Variants in TANC1 observed in about 807,000 individuals in gnomAD.
The protein encoded by TANC1 is tetratricopeptide repeat, ankyrin repeat and coiled-coil containing 1.
Under a neutral mutation model 149.7 loss-of-function variants are expected in TANC1, and 77 were observed. The ratio of observed to expected loss-of-function variants is 0.51; its 90% CI spans 0.43 to 0.62. The LOEUF (loss-of-function observed/expected upper bound fraction) is 0.62, where lower values mean the gene tolerates loss of function less well. Ranked by LOEUF, TANC1 falls within the 20% of genes least tolerant of loss-of-function variation. The pLI is 0.00. For synonymous variants in TANC1, 854 were observed against 925.0 expected (o/e 0.92, Z 1.39); for missense variants, 1,985 against 2,321.8 (o/e 0.85, Z 2.98).
At chr2:159,021,619 AAAAG>A (rs113106796) in intron 2 of TANC1, among the ~76,000 whole-genome samples, 91 of 152,164 alleles carry the variant, frequency 6.0e-4, no homozygotes, top group African/African-American at 1.4e-3. Flanking sequence ...ATCTCTTTAA[AAAAG>A]AAAGAAAGAA....
chr2:159,155,465 A>G (rs1169600327), intron 7 of TANC1, among the ~76,000 whole-genome samples: 1 of 152,064 alleles, frequency 6.6e-6, no homozygotes, highest in African/African-American at 2.4e-5. Flanking sequence ...CCTCCTTTGG[A>G]GAAACGGTGC....
At chr2:159,203,209 C>T (rs982692565) in intron 19 of TANC1, among the ~76,000 whole-genome samples, 6 of 101,660 alleles carry the variant, frequency 5.9e-5, no homozygotes, top group African/African-American at 9.0e-5. Context: ...CTTTTCTTTT[C>T]TTTTTTTTTT....
intron 2 of TANC1, among the ~76,000 whole-genome samples, chr2:159,018,411 A>G (rs969833518): frequency 3.9e-5 from 6 of 152,244 alleles, no homozygotes; most frequent in Non-Finnish European, 5.9e-5. Flanking sequence ...GATTATTAAC[A>G]GTATAATTCT....
rs1180402326 is a variant in TANC1 at position 159,176,307 on chromosome 2, G to C, written c.1736-45G>C. 7.5e-6 allele frequency: 9 copies of C among 1,204,648 alleles called. No individual in the cohort carries two copies. In the Middle Eastern group the frequency reaches 8.5e-4, roughly 114 times the overall value. 74.6% of individuals were successfully genotyped at this position (1,204,648 alleles called of 1,614,324 possible). A position where few individuals can be genotyped will look rare whatever the true frequency, so the allele number is the denominator to read the frequency against. ...ATACACTGGGTGTTGCTGTCTTAGA[G>C]AAATGTATAATTTCTTAATTTGAAA... On this transcript the variant is annotated intron_variant, in intron 12 of 26. Transcript: ENST00000263635.
At position 159,082,608 on chromosome 2, in the gene TANC1, A is replaced by G. The variant is rs181908454; in HGVS notation, c.62-15029A>G. Among the ~76,000 whole-genome samples the G allele has an allele frequency of 8.1e-3, 1,232 of 152,252 alleles. 8 individuals are homozygous for G. The highest frequency in any genetic ancestry group is 0.024 in the Middle Eastern group (7 of 294). On this transcript the variant is annotated intron_variant, in intron 3 of 26. Transcript: ENST00000263635. ...CCTTTCCATCTGGAGCAGATGGGGG[A>G]AAAAGCCATGGTAATAGGCATGTCC...
rs527993820 is a variant in TANC1 at position 159,231,402 on chromosome 2, G to A, written c.*390G>A. On this transcript the variant is annotated 3_prime_UTR_variant, in exon 27 of 27. Coordinates refer to ENST00000263635, the MANE Select transcript of TANC1 (RefSeq NM_033394.3). ...CAGGTTTAACTCATGACCAAGTGAT[G>A]TACATCCAAGTGATGTATTCTGGAA... The A allele has an allele frequency of 6.1e-6, 1 of 164,386 alleles. No homozygotes were observed. The highest frequency in any genetic ancestry group is 1.6e-4 in the South Asian group (1 of 6,206). 10.2% of individuals were successfully genotyped at this position (164,386 alleles called of 1,614,324 possible). A position where few individuals can be genotyped will look rare whatever the true frequency, so the allele number is the denominator to read the frequency against.
chr2:159,206,201 C>T (rs540937437), intron 19 of TANC1, among the ~76,000 whole-genome samples: 2 of 152,232 alleles, frequency 1.3e-5, no homozygotes, highest in Admixed American at 1.3e-4. Context: ...ACCCTGTGCC[C>T]TGTAAGGGGA....
At chr2:159,087,615 C>T (rs562178938) in intron 3 of TANC1, among the ~76,000 whole-genome samples, 1 of 151,820 alleles carries the variant, frequency 6.6e-6, no homozygotes, top group South Asian at 2.1e-4. Context: ...TCAAGTGGTC[C>T]TCCTACCTTT....
rs987161182 is a variant in TANC1, at chr2:159,220,846, T to C, written c.3678+979T>C. On this transcript the variant is annotated intron_variant, in intron 22 of 26. Transcript: ENST00000263635. Reference sequence around the variant, plus strand: ...ATCACCCCACCTTGGCTTCTGAAAATGGTAGGATTACAGGCATGAGCCACC... The same window carrying C: ...ATCACCCCACCTTGGCTTCTGAAAACGGTAGGATTACAGGCATGAGCCACC... Among the ~76,000 whole-genome samples, 8 of 152,146 alleles carry C rather than the reference T, an allele frequency of 5.3e-5. No individual in the cohort carries two copies. The East Asian group carries it at 1.6e-3, about 29-fold the overall frequency.
intron 19 of TANC1, among the ~76,000 whole-genome samples, chr2:159,213,983 G>A (rs914179621): frequency 2.6e-5 from 4 of 151,920 alleles, no homozygotes; most frequent in African/African-American, 7.3e-5. Context: ...AAAATCAGCC[G>A]GGCTTGGGGG....
intron 2 of TANC1, among the ~76,000 whole-genome samples, chr2:159,050,767 T>C (rs1279651567): frequency 1.1e-4 from 16 of 152,236 alleles, no homozygotes. Context: ...GAAGTAAAGG[T>C]CTTCCATTTG....
At chr2:159,194,603 C>A in intron 17 of TANC1, 110 bp downstream of exon 17, 2 of 982,112 alleles carry the variant, frequency 2.0e-6, no homozygotes, top group African/African-American at 1.6e-5. Context: ...CCACAGCATA[C>A]ACAGAAAGGG....
intron 2 of TANC1, among the ~76,000 whole-genome samples, chr2:159,051,651 T>TTGTGTGTGTGTGTGTG (rs58015346): frequency 1.7e-4 from 24 of 142,860 alleles, no homozygotes; most frequent in Non-Finnish European, 3.1e-4. Flanking sequence ...GAAGTGGTGT[T>TTGTGTGTGTGTGTGTG]TGTGTGTGTG....
At chr2:159,194,035 A>AT (rs142981412) in intron 16 of TANC1, among the ~76,000 whole-genome samples, 2,175 of 152,124 alleles carry the variant, frequency 0.014, 43 homozygotes, top group African/African-American at 0.041. Flanking sequence ...TATTTTTAAT[A>AT]TTTTGAGGAA....
intron 4 of TANC1, among the ~76,000 whole-genome samples, chr2:159,110,591 A>G (rs541537526): frequency 6.6e-6 from 1 of 152,376 alleles, no homozygotes; most frequent in South Asian, 2.1e-4. Context: ...CTGGGATTAC[A>G]GGTGTGTGCC....
intron 3 of TANC1, among the ~76,000 whole-genome samples, chr2:159,075,793 C>T (rs1387983335): frequency 6.6e-6 from 1 of 151,710 alleles, no homozygotes; most frequent in Non-Finnish European, 1.5e-5. Flanking sequence ...AAATACATAC[C>T]TTTGTATGAA....
intron 3 of TANC1, among the ~76,000 whole-genome samples, chr2:159,067,701 G>A (rs2042789959): frequency 6.6e-6 from 1 of 152,146 alleles, no homozygotes; most frequent in Admixed American, 6.5e-5. Flanking sequence ...TGTCTGTTGG[G>A]GTGGAACTGC....
At chr2:159,183,679 T>G (rs553977682) in intron 14 of TANC1, among the ~76,000 whole-genome samples, 1 of 151,218 alleles carries the variant, frequency 6.6e-6, no homozygotes, top group Non-Finnish European at 1.5e-5. Context: ...AGGGGGCGGG[T>G]GGTTTTGTTT....
At chr2:159,012,078 C>T (rs1490852496) in intron 2 of TANC1, among the ~76,000 whole-genome samples, 2 of 152,166 alleles carry the variant, frequency 1.3e-5, no homozygotes, top group Non-Finnish European at 2.9e-5. Flanking sequence ...GTGCTGTCCT[C>T]ATAGAAGGAA....
Sources: gnomAD v4.1 joint callset for allele counts (sites outside exome capture counted in the v4.1 genomes callset) on GRCh38, gnomAD v4.1.1 for gene constraint, MANE v1.5 for transcripts, NCBI Gene and HGNC (gene_info 2026-07-23, HGNC 2026-07-21) for gene names.